Variants in CCSER1 observed in about 807,000 individuals in gnomAD.
CCSER1 encodes the protein coiled-coil serine rich protein 1.
In CCSER1, 41 loss-of-function variants were observed where a neutral mutation model predicts 82.0. The observed-to-expected ratio is 0.50, with a 90% CI of 0.39 to 0.65. CCSER1 has a LOEUF of 0.65. Among genes scored for constraint, CCSER1 ranks in the 30% least tolerant of loss-of-function variants. The pLI is 0.00. For missense variants in CCSER1, 1,119 were observed against 1,064.2 expected, an observed-to-expected ratio of 1.05 and a Z score of -0.72; for synonymous variants, 414 against 383.9, an observed-to-expected ratio of 1.08 and a Z score of -0.92.
At chr4:90,174,178 C>T (rs1732245110) in intron 1 of CCSER1, among the ~76,000 whole-genome samples, 1 of 151,386 alleles carries the variant, frequency 6.6e-6, no homozygotes, top group Admixed American at 6.6e-5. Context: ...ATCTGAGATG[C>T]CTAAAAAGTC....
Position 90,391,504 on chromosome 4 carries a change from AATATAT to A in CCSER1, c.1510-8510_1510-8505del, listed in dbSNP as rs70963065. On this transcript the variant is annotated intron_variant, in intron 3 of 10. Transcript: ENST00000509176. ...TATATATACACACACACAGTGGGTA[AATATAT>A]ATATATATATATATATATATACTGT... is the stretch of plus-strand genomic sequence containing the variant. Among the ~76,000 whole-genome samples, 375 of 79,410 alleles carry A rather than the reference AATATAT, an allele frequency of 4.7e-3. 11 individuals carry two copies. The highest frequency in any genetic ancestry group is 0.015 in the African/African-American group (312 of 20,632). The allele number at this position is 79,410 out of a possible 152,430, so 52.1% of individuals were successfully genotyped here.
intron 10 of CCSER1, among the ~76,000 whole-genome samples, chr4:91,307,972 G>A (rs1745191357): frequency 1.5e-5 from 1 of 65,270 alleles, no homozygotes; most frequent in Admixed American, 1.5e-4. Flanking sequence ...GCTACGAAAT[G>A]CTTTAGCCAA....
rs529225564 is a variant in CCSER1, at chr4:91,312,108, A to G, written c.2217+226114A>G. Among the ~76,000 whole-genome samples, 10 of 152,008 alleles carry G rather than the reference A, an allele frequency of 6.6e-5. No homozygotes were observed. In the South Asian group the frequency reaches 2.1e-3, roughly 32 times the overall value. On this transcript the variant is annotated intron_variant, in intron 10 of 10. Coordinates refer to ENST00000509176, the MANE Select transcript of CCSER1 (RefSeq NM_001145065.2). ...CTTTAAGTAGTAGGTTCAGTTTATAACAAGTATACAAATTTATATTGTAGT... is the reference window on the plus strand; with the variant it reads ...CTTTAAGTAGTAGGTTCAGTTTATAGCAAGTATACAAATTTATATTGTAGT...
At chr4:90,552,096 G>A (rs752202316) in intron 5 of CCSER1, among the ~76,000 whole-genome samples, 19 of 152,132 alleles carry the variant, frequency 1.2e-4, no homozygotes, top group Non-Finnish European at 2.2e-4. Context: ...CCATTCACAA[G>A]GGAGGAGAGC....
chr4:91,383,412 C>G (rs1252708029), intron 10 of CCSER1, among the ~76,000 whole-genome samples: 1 of 151,310 alleles, frequency 6.6e-6, no homozygotes, highest in Non-Finnish European at 1.5e-5. Context: ...AATATGATAA[C>G]AAATATGAGA....
chr4:91,501,493 C>T (rs992849988), intron 10 of CCSER1, among the ~76,000 whole-genome samples: 3 of 151,948 alleles, frequency 2.0e-5, no homozygotes, highest in African/African-American at 4.8e-5. Context: ...TAAAGAGTTA[C>T]ATAATCCATT....
At position 90,308,905 on chromosome 4, in the gene CCSER1, T is replaced by G. The variant is rs1296831019; in HGVS notation, c.621T>G (p.Ser207=). The G allele has an allele frequency of 1.9e-6, 3 of 1,613,914 alleles. No individual in the cohort carries two copies. Among genetic ancestry groups the G allele is most frequent in the Non-Finnish European group, 2.5e-6 (3 of 1,179,842 alleles). Residue 207 remains serine (S), a synonymous_variant, in exon 2 of 11, where the codon TCT becomes TCG. Coordinates refer to ENST00000509176, the MANE Select transcript of CCSER1 (RefSeq NM_001145065.2). ...QSQSISLVQQ[S]EFSLEVTQYQ... Reference sequence around the variant, plus strand: ...AATCCATTTCATTGGTACAACAGTCTGAATTCTCATTGGAAGTTACACAGT... The same window carrying G: ...AATCCATTTCATTGGTACAACAGTCGGAATTCTCATTGGAAGTTACACAGT...
chr4:91,429,763 T>C (rs2149391869), intron 10 of CCSER1, among the ~76,000 whole-genome samples: 1 of 152,084 alleles, frequency 6.6e-6, no homozygotes, highest in African/African-American at 2.4e-5. Flanking sequence ...TTATTATATT[T>C]TCATCTGAAA....
chr4:91,082,961 T>C (rs1031088100), intron 9 of CCSER1, among the ~76,000 whole-genome samples: 4 of 152,174 alleles, frequency 2.6e-5, no homozygotes, highest in Non-Finnish European at 5.9e-5. Flanking sequence ...ACACTATTAG[T>C]GGGACTGTAA....
chr4:90,161,076 T>C (rs1729346365), intron 1 of CCSER1, among the ~76,000 whole-genome samples: 1 of 152,142 alleles, frequency 6.6e-6, no homozygotes. Context: ...CTGATAGAAA[T>C]GTAACCTGTA....
chr4:91,001,424 A>T (rs929841517), intron 9 of CCSER1, among the ~76,000 whole-genome samples: 8 of 152,220 alleles, frequency 5.3e-5, no homozygotes, highest in African/African-American at 1.9e-4. Context: ...GGCTTCATAG[A>T]ATGAGTTGAG....
In CCSER1 at chr4:91,022,944, C is replaced by G. The variant is rs1740138550; in HGVS notation, c.2173-63006C>G. ...CAGATGAGTAGATTGCAAAAATTTTCTCCCATTCTGTAGGTTGCCTATTCA... is the reference window on the plus strand; with the variant it reads ...CAGATGAGTAGATTGCAAAAATTTTGTCCCATTCTGTAGGTTGCCTATTCA... On this transcript the variant is annotated intron_variant, in intron 9 of 10. Transcript: ENST00000509176. Among the ~76,000 whole-genome samples the G allele has an allele frequency of 2.6e-5, 4 of 152,186 alleles. No homozygotes were observed. The South Asian group carries it at 8.3e-4, about 32-fold the overall frequency.
At chr4:91,155,557 A>T (rs1485022689) in intron 10 of CCSER1, among the ~76,000 whole-genome samples, 4 of 152,024 alleles carry the variant, frequency 2.6e-5, no homozygotes, top group African/African-American at 7.2e-5. Flanking sequence ...TTTGGGAGTC[A>T]TGAACAAGTA....
At chr4:90,136,006 C>T (rs147804286) in intron 1 of CCSER1, among the ~76,000 whole-genome samples, 16 of 152,260 alleles carry the variant, frequency 1.1e-4, no homozygotes, top group African/African-American at 3.6e-4. Context: ...TAGGGTTTGC[C>T]TGTTTCTCTT....
intron 5 of CCSER1, among the ~76,000 whole-genome samples, chr4:90,622,204 G>C (rs893296008): frequency 6.6e-6 from 1 of 152,112 alleles, no homozygotes. Context: ...ATATAAAAGA[G>C]GTACCTGTGT....
chr4:90,919,640 T>C (rs1171038955), intron 8 of CCSER1, among the ~76,000 whole-genome samples: 2 of 151,946 alleles, frequency 1.3e-5, no homozygotes, highest in Admixed American at 1.3e-4. Flanking sequence ...ATATATTTAT[T>C]TGTGTTACTG....
At chr4:90,825,592 A>T (rs1760313856) in intron 8 of CCSER1, among the ~76,000 whole-genome samples, 1 of 152,258 alleles carries the variant, frequency 6.6e-6, no homozygotes, top group South Asian at 2.1e-4. Context: ...AAATTACAGC[A>T]AATTTAGTTT....
intron 4 of CCSER1, among the ~76,000 whole-genome samples, chr4:90,404,495 C>A (rs1036131459): frequency 1.3e-5 from 2 of 152,198 alleles, no homozygotes; most frequent in African/African-American, 2.4e-5. Flanking sequence ...TTTGCATCCT[C>A]TCTATAGAAC....
chr4:90,971,745 T>C (rs906534871), intron 9 of CCSER1, among the ~76,000 whole-genome samples: 5 of 151,794 alleles, frequency 3.3e-5, no homozygotes, highest in African/African-American at 1.2e-4. Context: ...CTGATGAACA[T>C]AGATGTAAAA....
Sources: gnomAD v4.1 joint callset for allele counts (sites outside exome capture counted in the v4.1 genomes callset) on GRCh38, gnomAD v4.1.1 for gene constraint, MANE v1.5 for transcripts, NCBI Gene and HGNC (gene_info 2026-07-23, HGNC 2026-07-21) for gene names.